NEGR1: variants seen among roughly 807,000 people sequenced by gnomAD.
NEGR1 encodes neuronal growth regulator 1, also known as IgLON family member 4.
In NEGR1, 10 loss-of-function variants were observed where a neutral mutation model predicts 40.9. That is an observed-to-expected ratio of 0.24 (90% CI 0.15 to 0.42). The LOEUF (loss-of-function observed/expected upper bound fraction) is 0.42, where lower values mean the gene tolerates loss of function less well. Among genes scored for constraint, NEGR1 ranks in the 10% least tolerant of loss-of-function variants. The pLI is 1.00. For synonymous variants in NEGR1, 185 were observed against 166.8 expected (o/e 1.11, Z -0.84); for missense variants, 352 against 438.9 (o/e 0.80, Z 1.77).
chr1:72,097,489 C>A (rs1648746681), intron 1 of NEGR1, among the ~76,000 whole-genome samples: 1 of 152,106 alleles, frequency 6.6e-6, no homozygotes, highest in African/African-American at 2.4e-5. Context: ...TAATATTACC[C>A]AGGGTCAACT....
chr1:71,706,173 G>A (rs1222857635), intron 3 of NEGR1, among the ~76,000 whole-genome samples: 1 of 152,214 alleles, frequency 6.6e-6, no homozygotes, highest in African/African-American at 2.4e-5. Flanking sequence ...TTTGGACGCT[G>A]GGGGAGGGAG....
At chr1:72,018,079 T>C (rs1646727475) in intron 1 of NEGR1, among the ~76,000 whole-genome samples, 1 of 152,166 alleles carries the variant, frequency 6.6e-6, no homozygotes, top group African/African-American at 2.4e-5. Context: ...ATTTTTTAAA[T>C]GAGTGAACAG....
intron 4 of NEGR1, among the ~76,000 whole-genome samples, chr1:71,689,192 T>G (rs979625473): frequency 5.9e-5 from 9 of 152,172 alleles, no homozygotes; most frequent in Non-Finnish European, 8.8e-5. Flanking sequence ...TATTAATTTC[T>G]CAAAGAATTC....
chr1:72,185,158 C>T (rs1426607684), intron 1 of NEGR1, among the ~76,000 whole-genome samples: 1 of 151,868 alleles, frequency 6.6e-6, no homozygotes, highest in Non-Finnish European at 1.5e-5. Context: ...CTCACTCTTC[C>T]TTCTTCTTCC....
At chr1:72,241,941 C>G (rs934006740) in intron 1 of NEGR1, among the ~76,000 whole-genome samples, 1 of 151,558 alleles carries the variant, frequency 6.6e-6, no homozygotes, top group Non-Finnish European at 1.5e-5. Context: ...CTTAAACGAT[C>G]TGTGAAATGG....
intron 1 of NEGR1, among the ~76,000 whole-genome samples, chr1:72,166,762 G>A (rs1186541452): frequency 6.6e-6 from 1 of 152,010 alleles, no homozygotes; most frequent in Non-Finnish European, 1.5e-5. Context: ...CCAGGATCTG[G>A]GGAAGACGGA....
intron 6 of NEGR1, among the ~76,000 whole-genome samples, chr1:71,493,802 G>A (rs1646944916): frequency 6.6e-6 from 1 of 152,130 alleles, no homozygotes; most frequent in South Asian, 2.1e-4. Context: ...CTCTCCCTGA[G>A]TTCTACCTGA....
chr1:71,756,157 T>G (rs1655725308), intron 3 of NEGR1, among the ~76,000 whole-genome samples: 1 of 152,128 alleles, frequency 6.6e-6, no homozygotes, highest in African/African-American at 2.4e-5. Flanking sequence ...TGAAAAGTGT[T>G]GGTTCTCTCA....
chr1:71,591,057 C>T (rs1182732288), intron 6 of NEGR1, among the ~76,000 whole-genome samples: 1 of 152,050 alleles, frequency 6.6e-6, no homozygotes, highest in Admixed American at 6.6e-5. Context: ...ATGCTTAGTG[C>T]AGTAAGAGCT....
intron 2 of NEGR1, among the ~76,000 whole-genome samples, chr1:71,819,676 G>A (rs577960205): frequency 6.6e-6 from 1 of 152,036 alleles, no homozygotes; most frequent in South Asian, 2.1e-4. Flanking sequence ...AGAAATAGAT[G>A]CTATCATATG....
chr1:71,830,971 T>C (rs1422113367), intron 2 of NEGR1, among the ~76,000 whole-genome samples: 4 of 151,848 alleles, frequency 2.6e-5, no homozygotes, highest in African/African-American at 7.3e-5. Context: ...CATTTGGAGA[T>C]AGGAATTCTT....
chr1:71,947,772 A>G (rs982543124), intron 1 of NEGR1, among the ~76,000 whole-genome samples: 3 of 124,800 alleles, frequency 2.4e-5, no homozygotes, highest in African/African-American at 9.2e-5. Context: ...CAGGTTGGTC[A>G]CTTAAAAAAA....
chr1:72,072,517 T>C (rs1044075013), intron 1 of NEGR1, among the ~76,000 whole-genome samples: 5 of 152,156 alleles, frequency 3.3e-5, no homozygotes, highest in African/African-American at 7.2e-5. Context: ...AATATACTTT[T>C]CCTATAGCCA....
chr1:71,710,635 C>T (rs2101642448), intron 3 of NEGR1, among the ~76,000 whole-genome samples: 1 of 152,184 alleles, frequency 6.6e-6, no homozygotes, highest in African/African-American at 2.4e-5. Flanking sequence ...GAAAGACAAA[C>T]AATCGCATGT....
chr1:71,896,806 A>C (rs1040139496), intron 2 of NEGR1, among the ~76,000 whole-genome samples: 1 of 152,176 alleles, frequency 6.6e-6, no homozygotes, highest in African/African-American at 2.4e-5. Flanking sequence ...TGAAAAGGCT[A>C]TCTTTCCCCC....
intron 1 of NEGR1, among the ~76,000 whole-genome samples, chr1:72,114,071 G>C (rs145137751): frequency 6.6e-6 from 1 of 151,664 alleles, no homozygotes. Flanking sequence ...ATTGATCAAC[G>C]TATTGAGTGT....
At position 72,214,680 on chromosome 1, in the gene NEGR1, G is replaced by A. The variant is rs565662222; in HGVS notation, c.176+67639C>T. ...GGCACATGAAGGACCTCTTCAAGGAGTACTACAAGCCACTGCTGAAGGAAA... is the reference window on the plus strand; with the variant it reads ...GGCACATGAAGGACCTCTTCAAGGAATACTACAAGCCACTGCTGAAGGAAA... On this transcript the variant is annotated intron_variant, in intron 1 of 6. Transcript: ENST00000357731. Among the ~76,000 whole-genome samples, 9 of 152,112 alleles carry A rather than the reference G, an allele frequency of 5.9e-5. No individual in the cohort carries two copies. In the South Asian group the frequency reaches 1.9e-3, roughly 32 times the overall value.
intron 4 of NEGR1, among the ~76,000 whole-genome samples, chr1:71,682,896 G>A (rs1372804149): frequency 6.6e-6 from 1 of 152,094 alleles, no homozygotes; most frequent in Non-Finnish European, 1.5e-5. Flanking sequence ...CTCTTTCCAT[G>A]TGATGATTGC....
At chr1:71,905,518 T>C (rs905856557) in intron 2 of NEGR1, among the ~76,000 whole-genome samples, 1 of 152,046 alleles carries the variant, frequency 6.6e-6, no homozygotes, top group Non-Finnish European at 1.5e-5. Flanking sequence ...ACAATGTAAA[T>C]ATAATCAATA....
Sources: gnomAD v4.1 joint callset for allele counts (sites outside exome capture counted in the v4.1 genomes callset) on GRCh38, gnomAD v4.1.1 for gene constraint, MANE v1.5 for transcripts, NCBI Gene and HGNC (gene_info 2026-07-23, HGNC 2026-07-21) for gene names.